Variants in TGFBR1 observed in about 807,000 individuals in gnomAD.
TGFBR1 encodes transforming growth factor beta receptor 1, also known as TGF-beta receptor type-1.
TGFBR1 carries 20 observed loss-of-function variants against 55.1 expected under a neutral mutation model. That is an observed-to-expected ratio of 0.36 (90% CI 0.26 to 0.53). The LOEUF (loss-of-function observed/expected upper bound fraction) is 0.53, where lower values mean the gene tolerates loss of function less well. TGFBR1 is among the 20% of genes least tolerant of loss of function. The pLI is 0.91. For synonymous variants in TGFBR1, 220 were observed against 214.8 expected (o/e 1.02, Z -0.21); for missense variants, 385 against 617.6 (o/e 0.62, Z 3.99).
chr9:99,129,116 T>C lies in TGFBR1; in HGVS notation c.343+16T>C, dbSNP rs202224461. 4 of 1,613,126 alleles carry C rather than the reference T, an allele frequency of 2.5e-6. No individual in the cohort carries two copies. Among genetic ancestry groups the C allele is most frequent in the Non-Finnish European group, 3.4e-6 (4 of 1,179,442 alleles). ...CCAACTACTGGTAAGTTGTATAAAATTTTTTTCCTAGATACTACAAGAAAA... is the reference window on the plus strand; with the variant it reads ...CCAACTACTGGTAAGTTGTATAAAACTTTTTTCCTAGATACTACAAGAAAA... On this transcript the variant is annotated intron_variant, in intron 2 of 8. Coordinates refer to ENST00000374994, the MANE Select transcript of TGFBR1 (RefSeq NM_004612.4).
Position 99,149,319 on chromosome 9 carries a change from C to T in TGFBR1, c.*14C>T, listed in dbSNP as rs2118861201. 1 of 1,613,304 alleles carries T rather than the reference C, an allele frequency of 6.2e-7. No individual in the cohort carries two copies. The highest frequency in any genetic ancestry group is 8.5e-7 in the Non-Finnish European group (1 of 1,179,484). On this transcript the variant is annotated 3_prime_UTR_variant, in exon 9 of 9. Coordinates refer to ENST00000374994, the MANE Select transcript of TGFBR1 (RefSeq NM_004612.4). Reference sequence around the variant, plus strand: ...ATCAAAATGTAATTCTACAGCTTTGCCTGAACTCTCCTTTTTTCTTCAGAT... The same window carrying T: ...ATCAAAATGTAATTCTACAGCTTTGTCTGAACTCTCCTTTTTTCTTCAGAT...
Position 99,151,249 on chromosome 9 carries a change from G to C in TGFBR1, c.*1944G>C. 1 of 231,792 alleles carries C rather than the reference G, an allele frequency of 4.3e-6. No homozygotes were observed. Among genetic ancestry groups the C allele is most frequent in the East Asian group, 6.1e-5 (1 of 16,360 alleles). The allele number at this position is 231,792 out of a possible 1,614,324, so 14.4% of individuals were successfully genotyped here. A position where few individuals can be genotyped will look rare whatever the true frequency, so the allele number is the denominator to read the frequency against. On this transcript the variant is annotated 3_prime_UTR_variant, in exon 9 of 9. Coordinates refer to ENST00000374994, the MANE Select transcript of TGFBR1 (RefSeq NM_004612.4). Reference sequence around the variant, plus strand: ...TAGAGGTTACTATTTTGACTACAAAGTTGAGTTTTTTTCTGTAGTTACCAT... The same window carrying C: ...TAGAGGTTACTATTTTGACTACAAACTTGAGTTTTTTTCTGTAGTTACCAT...
chr9:99,112,931 C>G (rs1384619140), intron 1 of TGFBR1, among the ~76,000 whole-genome samples: 1 of 152,042 alleles, frequency 6.6e-6, no homozygotes, highest in African/African-American at 2.4e-5. Flanking sequence ...TATTCTCTCT[C>G]TCTCTCTCTG....
chr9:99,105,014 G>T, upstream of TGFBR1: 1 of 354,674 alleles, frequency 2.8e-6, no homozygotes, highest in Non-Finnish European at 4.1e-6. Context: ...GTCCCGCTTG[G>T]CAGCTCGCGG....
intron 6 of TGFBR1, 77 bp downstream of exon 6, chr9:99,144,965 T>G: frequency 6.6e-7 from 1 of 1,516,712 alleles, no homozygotes; most frequent in East Asian, 2.3e-5. Context: ...TACATATCAT[T>G]GCTGAAACTC....
Position 99,132,499 on chromosome 9 carries a change from C to T in TGFBR1, c.344-10C>T. The T allele has an allele frequency of 6.2e-7, 1 of 1,613,872 alleles. No individual in the cohort carries two copies. On this transcript the variant is annotated splice_polypyrimidine_tract_variant and intron_variant, in intron 2 of 8. Coordinates refer to ENST00000374994, the MANE Select transcript of TGFBR1 (RefSeq NM_004612.4). ...TGTTGATGTTTATTTCACTCGAGGC[C>T]CTTTTTCAGTAAAGTCATCACCTGG...
chr9:99,143,154 T>C (rs541678249), intron 5 of TGFBR1, among the ~76,000 whole-genome samples: 7 of 152,302 alleles, frequency 4.6e-5, no homozygotes, highest in African/African-American at 1.7e-4. Context: ...CAGTTCAAAA[T>C]TTCAGGTAGA....
intron 1 of TGFBR1, among the ~76,000 whole-genome samples, chr9:99,105,518 G>A (rs1448200368): frequency 1.3e-5 from 2 of 150,686 alleles, no homozygotes; most frequent in Non-Finnish European, 3.0e-5. Flanking sequence ...GTGTCCGGGC[G>A]CGGGCGGACG....
intron 3 of TGFBR1, among the ~76,000 whole-genome samples, chr9:99,137,308 C>A (rs531352955): frequency 6.6e-6 from 1 of 152,166 alleles, no homozygotes; most frequent in South Asian, 2.1e-4. Flanking sequence ...GAAACTGTTA[C>A]GAGATTCATC....
intron 2 of TGFBR1, among the ~76,000 whole-genome samples, chr9:99,129,559 A>C (rs1259820016): frequency 6.6e-6 from 1 of 152,194 alleles, no homozygotes; most frequent in Non-Finnish European, 1.5e-5. Flanking sequence ...TAAATTAATT[A>C]TACATGATTT....
At chr9:99,128,706 C>T in intron 1 of TGFBR1, 149 bp from the exon 2 acceptor site, 1 of 1,036,288 alleles carries the variant, frequency 9.6e-7, no homozygotes, top group Non-Finnish European at 1.5e-6. Context: ...CTAAGAGCAA[C>T]AAATAGTTGT....
chr9:99,117,788 G>T (rs1161322524), intron 1 of TGFBR1, among the ~76,000 whole-genome samples: 1 of 152,122 alleles, frequency 6.6e-6, no homozygotes, highest in Non-Finnish European at 1.5e-5. Context: ...TTCAAAGATT[G>T]CTTTGGTTAT....
intron 1 of TGFBR1, among the ~76,000 whole-genome samples, chr9:99,124,287 GT>G (rs1826973356): frequency 6.6e-6 from 1 of 152,058 alleles, no homozygotes; most frequent in East Asian, 1.9e-4. Context: ...AACTACTCAA[GT>G]GCAAATACCT....
At position 99,129,040 on chromosome 9, in the gene TGFBR1, G is replaced by A. The variant is rs1827129569; in HGVS notation, c.283G>A (p.Val95Met). ...VCAPSSKTGS[V>M]TTTYCCNQDH... ...TGCACCCTCTTCAAAAACTGGGTCT[G>A]TGACTACAACATATTGCTGCAATCA... The change falls in exon 2 of 9, where the codon GTG (valine) becomes ATG (methionine). Residue 95 changes from valine (V) to methionine (M), a missense_variant. By Grantham distance (21) the Val-to-Met change is conservative. Coordinates refer to ENST00000374994, the MANE Select transcript of TGFBR1 (RefSeq NM_004612.4). 1 of 1,613,942 alleles carries A rather than the reference G, an allele frequency of 6.2e-7. No individual in the cohort carries two copies. Among genetic ancestry groups the A allele is most frequent in the Non-Finnish European group, 8.5e-7 (1 of 1,179,930 alleles).
In TGFBR1 at chr9:99,154,071, A is replaced by G. The variant is rs1828042619; in HGVS notation, c.*4766A>G. The stretch of plus-strand genomic sequence containing the variant: ...GATTGCTCTCACATTAAAGATAGTT[A>G]CTTCAATTTGAAGGCTGGATTTAGG... On this transcript the variant is annotated 3_prime_UTR_variant, in exon 9 of 9. Coordinates refer to ENST00000374994, the MANE Select transcript of TGFBR1 (RefSeq NM_004612.4). The G allele has an allele frequency of 8.8e-6, 2 of 226,750 alleles. No individual in the cohort carries two copies. The highest frequency in any genetic ancestry group is 4.5e-5 in the African/African-American group (2 of 44,896). 14.0% of individuals were successfully genotyped at this position (226,750 alleles called of 1,614,324 possible). A position where few individuals can be genotyped will look rare whatever the true frequency, so the allele number is the denominator to read the frequency against.
chr9:99,113,088 G>A (rs1723972623), intron 1 of TGFBR1, among the ~76,000 whole-genome samples: 1 of 152,166 alleles, frequency 6.6e-6, no homozygotes, highest in Non-Finnish European at 1.5e-5. Context: ...GCAGGTTCAT[G>A]CTATTTTTCC....
intron 1 of TGFBR1, among the ~76,000 whole-genome samples, chr9:99,109,710 C>T (rs185922784): frequency 1.0e-3 from 156 of 152,308 alleles, no homozygotes; most frequent in African/African-American, 3.5e-3. Context: ...TCATGGCTTA[C>T]GTAACACAGA....
At chr9:99,140,018 C>G (rs1033774336) in intron 4 of TGFBR1, among the ~76,000 whole-genome samples, 23 of 152,174 alleles carry the variant, frequency 1.5e-4, no homozygotes, top group African/African-American at 4.6e-4. Flanking sequence ...TCTCAAAATA[C>G]ATACTAAGGA....
intron 1 of TGFBR1, among the ~76,000 whole-genome samples, chr9:99,106,293 G>C (rs956070562): frequency 1.3e-5 from 2 of 152,300 alleles, no homozygotes; most frequent in East Asian, 3.9e-4. Context: ...TAGGTGGTTG[G>C]TATCCACAAA....
Sources: gnomAD v4.1 joint callset for allele counts (sites outside exome capture counted in the v4.1 genomes callset) on GRCh38, gnomAD v4.1.1 for gene constraint, MANE v1.5 for transcripts, NCBI Gene and HGNC (gene_info 2026-07-23, HGNC 2026-07-21) for gene names.